Variants in YPEL2 observed in about 807,000 individuals in gnomAD.
YPEL2 encodes yippee like 2, also known as protein yippee-like 2.
YPEL2 carries 2 observed loss-of-function variants against 19.1 expected under a neutral mutation model. The observed-to-expected ratio is 0.10, with a 90% CI of 0.04 to 0.33. YPEL2 has a LOEUF of 0.33. Among genes scored for constraint, YPEL2 ranks in the 10% least tolerant of loss-of-function variants. The pLI, the probability that YPEL2 is intolerant of heterozygous loss-of-function variation, is 1.00. For synonymous variants in YPEL2, 52 were observed against 50.0 expected (o/e 1.04, Z -0.17); for missense variants, 66 against 140.7 (o/e 0.47, Z 2.68).
At chr17:59,362,907 T>G (rs899461367) in intron 2 of YPEL2, 10 of 152,170 alleles carry the variant, frequency 6.6e-5, no homozygotes, top group African/African-American at 1.9e-4. Flanking sequence ...CACTACTTGT[T>G]CAGTTCAATA....
At chr17:59,373,373 TC>T (rs1263862122) in intron 2 of YPEL2, among the ~76,000 whole-genome samples, 1 of 152,146 alleles carries the variant, frequency 6.6e-6, no homozygotes, top group Non-Finnish European at 1.5e-5. Context: ...CCTCACAGCC[TC>T]TTTGACCTTA....
intron 2 of YPEL2, among the ~76,000 whole-genome samples, chr17:59,358,775 A>G (rs996100222): frequency 3.3e-5 from 5 of 151,732 alleles, no homozygotes; most frequent in African/African-American, 4.8e-5. Context: ...ACGCCCAGCT[A>G]ATTTTGTATT....
rs1018888463 is a variant in YPEL2 at position 59,387,262 on chromosome 17, A to C, written c.118-1065A>C. Among the ~76,000 whole-genome samples the C allele has an allele frequency of 4.2e-4, 63 of 151,228 alleles. 1 individual carries two copies. Among genetic ancestry groups the C allele is most frequent in the Admixed American group, 1.9e-3 (29 of 15,140 alleles). On this transcript the variant is annotated intron_variant, in intron 2 of 4. Transcript: ENST00000312655. ...TGACAGAGCAAGACTCCATCTAAAAAAAAAAAAAAAAAAAAAAAGAATTTT... is the reference window on the plus strand; with the variant it reads ...TGACAGAGCAAGACTCCATCTAAAACAAAAAAAAAAAAAAAAAAGAATTTT...
At chr17:59,334,504 G>A (rs11079372) in intron 1 of YPEL2, among the ~76,000 whole-genome samples, 37,188 of 151,076 alleles carry the variant, frequency 0.25, 4,762 homozygotes, top group East Asian at 0.41. Flanking sequence ...TGATGGCCCA[G>A]TCCCTGTGTG....
intron 1 of YPEL2, among the ~76,000 whole-genome samples, chr17:59,339,627 C>T (rs1016452064): frequency 2.8e-4 from 43 of 152,288 alleles, no homozygotes; most frequent in African/African-American, 9.6e-4. Flanking sequence ...GGAAGGAATT[C>T]AGGGACTGAG....
intron 1 of YPEL2, among the ~76,000 whole-genome samples, chr17:59,340,270 G>A (rs959398182): frequency 8.6e-5 from 13 of 151,850 alleles, no homozygotes; most frequent in Non-Finnish European, 1.5e-4. Context: ...CACTACGCCC[G>A]GCTAATTTTT....
At chr17:59,381,920 T>G (rs577978101) in intron 2 of YPEL2, among the ~76,000 whole-genome samples, 1 of 152,178 alleles carries the variant, frequency 6.6e-6, no homozygotes, top group South Asian at 2.1e-4. Flanking sequence ...TTAACTTCCT[T>G]TCAGTCTCCC....
At chr17:59,340,372 G>C (rs778972587) in intron 1 of YPEL2, among the ~76,000 whole-genome samples, 37 of 151,974 alleles carry the variant, frequency 2.4e-4, no homozygotes, top group Non-Finnish European at 3.2e-4. Context: ...GCCTCCCAAA[G>C]TGCTGGGATT....
In YPEL2 at chr17:59,401,417, T is replaced by A. The variant is rs1336155181; in HGVS notation, c.*4227T>A. 1 of 152,684 alleles carries A rather than the reference T, an allele frequency of 6.5e-6. No individual in the cohort carries two copies. The highest frequency in any genetic ancestry group is 2.1e-4 in the South Asian group (1 of 4,832). The allele number at this position is 152,684 out of a possible 1,614,324, so 9.5% of individuals were successfully genotyped here. A position where few individuals can be genotyped will look rare whatever the true frequency, so the allele number is the denominator to read the frequency against. ...AATTCTATCTGCGCATATGTTTTTG[T>A]ATAACATTTCGGTGACAGTGGGAGT... On this transcript the variant is annotated 3_prime_UTR_variant, in exon 5 of 5. Transcript: ENST00000312655.
chr17:59,342,994 C>T lies in YPEL2; in HGVS notation c.-195-10221C>T, dbSNP rs2047739125. The stretch of plus-strand genomic sequence containing the variant: ...TACACAGACTGTGTGAAGGGCAGAG[C>T]AGGAAACGTTTCTGCTGTCAGACAG... On this transcript the variant is annotated intron_variant, in intron 1 of 4. Coordinates refer to ENST00000312655, the MANE Select transcript of YPEL2 (RefSeq NM_001005404.4). 2.6e-5 allele frequency among the ~76,000 whole-genome samples: 4 copies of T among 152,262 alleles called. No individual in the cohort carries two copies. In the South Asian group the frequency reaches 8.3e-4, roughly 32 times the overall value.
intron 2 of YPEL2, 23 bp from the exon 3 acceptor site, chr17:59,388,304 C>A: frequency 6.2e-7 from 1 of 1,613,772 alleles, no homozygotes; most frequent in South Asian, 1.1e-5. Flanking sequence ...GTCTAACTAT[C>A]GATTTGTTTT....
chr17:59,334,860 G>A (rs138314860), intron 1 of YPEL2, among the ~76,000 whole-genome samples: 76 of 152,240 alleles, frequency 5.0e-4, no homozygotes, highest in African/African-American at 1.8e-3. Context: ...TTAGTTTTGA[G>A]CATATGGAGA....
chr17:59,358,335 T>C (rs2047823454), intron 2 of YPEL2, among the ~76,000 whole-genome samples: 1 of 152,184 alleles, frequency 6.6e-6, no homozygotes, highest in African/African-American at 2.4e-5. Flanking sequence ...GCAGCATTTC[T>C]TTGAGAAGAG....
intron 2 of YPEL2, among the ~76,000 whole-genome samples, chr17:59,378,731 C>G (rs1410686787): frequency 6.6e-6 from 1 of 152,182 alleles, no homozygotes; most frequent in African/African-American, 2.4e-5. Context: ...TTCCCATGCT[C>G]TTGGAATTTT....
chr17:59,376,806 A>C (rs2047923123), intron 2 of YPEL2, among the ~76,000 whole-genome samples: 1 of 151,856 alleles, frequency 6.6e-6, no homozygotes, highest in Non-Finnish European at 1.5e-5. Flanking sequence ...GAAAATAGTC[A>C]GGCGTGGTGG....
intron 1 of YPEL2, among the ~76,000 whole-genome samples, chr17:59,334,571 AACACACACACACACACAC>A (rs35386954): frequency 6.9e-6 from 1 of 145,122 alleles, no homozygotes; most frequent in Non-Finnish European, 1.5e-5. Flanking sequence ...TTCAGGCACA[AACACACACACACACACAC>A]ACACACACAC....
chr17:59,336,228 T>C (rs2047698188), intron 1 of YPEL2, among the ~76,000 whole-genome samples: 2 of 152,232 alleles, frequency 1.3e-5, no homozygotes, highest in South Asian at 4.1e-4. Flanking sequence ...CTCTCAGAAT[T>C]ACTTTCACTT....
intron 2 of YPEL2, among the ~76,000 whole-genome samples, chr17:59,357,264 A>G (rs1045592070): frequency 6.6e-6 from 1 of 152,214 alleles, no homozygotes; most frequent in Non-Finnish European, 1.5e-5. Flanking sequence ...CCTGACACCA[A>G]CTAGTTTTAG....
At chr17:59,383,609 A>T (rs4968327) in intron 2 of YPEL2, among the ~76,000 whole-genome samples, 47 of 20,822 alleles carry the variant, frequency 2.3e-3, no homozygotes, top group African/African-American at 5.8e-3. Flanking sequence ...AAAAAAAAAA[A>T]ATATATATAT....
Sources: gnomAD v4.1 joint callset for allele counts (sites outside exome capture counted in the v4.1 genomes callset) on GRCh38, gnomAD v4.1.1 for gene constraint, MANE v1.5 for transcripts, NCBI Gene and HGNC (gene_info 2026-07-23, HGNC 2026-07-21) for gene names.